Variants in PRRX1 observed in about 807,000 individuals in gnomAD.
The protein encoded by PRRX1 is paired mesoderm homeobox protein 1.
Under a neutral mutation model 24.0 loss-of-function variants are expected in PRRX1, and 8 were observed. The observed-to-expected ratio is 0.33, with a 90% confidence interval of 0.20 to 0.60. PRRX1 has a LOEUF of 0.60. Among genes scored for constraint, PRRX1 ranks in the 20% least tolerant of loss-of-function variants. The pLI is 0.82. For missense variants in PRRX1, 281 were observed against 322.4 expected, an observed-to-expected ratio of 0.87 and a Z score of 0.98; for synonymous variants, 160 against 131.7, an observed-to-expected ratio of 1.22 and a Z score of -1.47.
chr1:170,732,204 C>T (rs375085651), intron 3 of PRRX1, among the ~76,000 whole-genome samples: 5 of 152,108 alleles, frequency 3.3e-5, no homozygotes, highest in African/African-American at 1.2e-4. Context: ...TCCGAATGGC[C>T]CTATAAATTG....
intron 1 of PRRX1, among the ~76,000 whole-genome samples, chr1:170,690,983 C>T (rs1189100883): frequency 6.6e-6 from 1 of 151,970 alleles, no homozygotes; most frequent in Non-Finnish European, 1.5e-5. Flanking sequence ...GTGGTTTTAT[C>T]TAGACAGACA....
rs1215045317 is a variant in PRRX1 at position 170,664,257 on chromosome 1, G to A, written c.39G>A (p.Pro13=). ...SSYGHVLERQ[P]ALGGRLDSPG... ...ACGGGCACGTTCTGGAGCGGCAACC[G>A]GCGCTGGGCGGCCGCTTGGACAGCC... is the stretch of plus-strand genomic sequence containing the variant. Residue 13 remains proline (P), a synonymous_variant, in exon 1 of 4, where the codon CCG becomes CCA. Coordinates refer to ENST00000239461, the MANE Select transcript of PRRX1 (RefSeq NM_022716.4). 3 of 1,612,518 alleles carry A rather than the reference G, an allele frequency of 1.9e-6. No homozygotes were observed. Among genetic ancestry groups the A allele is most frequent in the Non-Finnish European group, 2.5e-6 (3 of 1,179,536 alleles).
chr1:170,693,094 C>G (rs1380522251), intron 1 of PRRX1, among the ~76,000 whole-genome samples: 1 of 151,998 alleles, frequency 6.6e-6, no homozygotes, highest in African/African-American at 2.4e-5. Context: ...CCAAGCAATT[C>G]TGGGAGACTG....
intron 1 of PRRX1, among the ~76,000 whole-genome samples, chr1:170,679,748 G>GCACTTATTC (rs1249475162): frequency 5.9e-5 from 9 of 151,398 alleles, no homozygotes; most frequent in African/African-American, 2.2e-4. Context: ...GTGGTTGTTA[G>GCACTTATTC]CACTTATTCT....
intron 1 of PRRX1, among the ~76,000 whole-genome samples, chr1:170,705,927 CACACACAT>C (rs1351555638): frequency 4.2e-4 from 45 of 107,766 alleles, no homozygotes; most frequent in Admixed American, 7.9e-4. Context: ...GACACACACA[CACACACAT>C]ACACACACAC....
chr1:170,698,681 A>G (rs936408228), intron 1 of PRRX1, among the ~76,000 whole-genome samples: 9 of 152,190 alleles, frequency 5.9e-5, no homozygotes, highest in Non-Finnish European at 1.2e-4. Context: ...TTCAGAGCAG[A>G]ATTGGCGTAA....
At chr1:170,696,086 A>C (rs1334801009) in intron 1 of PRRX1, among the ~76,000 whole-genome samples, 1 of 152,198 alleles carries the variant, frequency 6.6e-6, no homozygotes, top group Non-Finnish European at 1.5e-5. Flanking sequence ...AGGGATCAGC[A>C]TGTGCCTCAC....
intron 1 of PRRX1, among the ~76,000 whole-genome samples, chr1:170,686,541 T>C (rs908826066): frequency 6.6e-6 from 1 of 152,194 alleles, no homozygotes; most frequent in African/African-American, 2.4e-5. Context: ...ATTCAAATTC[T>C]AGCCTTAGGG....
intron 2 of PRRX1, among the ~76,000 whole-genome samples, chr1:170,723,514 A>G (rs763248158): frequency 4.7e-4 from 71 of 151,308 alleles, no homozygotes; most frequent in Non-Finnish European, 8.5e-4. Context: ...CAGGTGCTCC[A>G]TAAAGATTTC....
intron 1 of PRRX1, among the ~76,000 whole-genome samples, chr1:170,713,177 T>G (rs1305962581): frequency 6.6e-6 from 1 of 152,222 alleles, no homozygotes; most frequent in East Asian, 1.9e-4. Flanking sequence ...TTACTGAACA[T>G]TGATAAGAGC....
chr1:170,695,027 T>C (rs1654120340), intron 1 of PRRX1, among the ~76,000 whole-genome samples: 1 of 152,148 alleles, frequency 6.6e-6, no homozygotes, highest in South Asian at 2.1e-4. Context: ...ACCTTACTTG[T>C]AGTTGCAAAG....
intron 1 of PRRX1, chr1:170,669,425 C>CAAAAAAAAAAAAAAAAAAACA (rs1653064518): frequency 4.5e-5 from 1 of 22,298 alleles, no homozygotes; most frequent in African/African-American, 2.7e-4. Flanking sequence ...CTCCCCACTG[C>CAAAAAAAAAAAAAAAAAAACA]AAAAAAAAAA....
At position 170,736,403 on chromosome 1, in the gene PRRX1, C is replaced by T; in HGVS notation, c.*217C>T. 1 of 615,098 alleles carries T rather than the reference C, an allele frequency of 1.6e-6. No homozygotes were observed. The highest frequency in any genetic ancestry group is 2.8e-6 in the Non-Finnish European group (1 of 355,376). The allele number at this position is 615,098 out of a possible 1,614,324, so 38.1% of individuals were successfully genotyped here. A position where few individuals can be genotyped will look rare whatever the true frequency, so the allele number is the denominator to read the frequency against. Reference sequence around the variant, plus strand: ...CCTCCTCCCTCTGGGATACCACCACCACTTGTTTCTGTGTGTGTTTATTTT... The same window carrying T: ...CCTCCTCCCTCTGGGATACCACCACTACTTGTTTCTGTGTGTGTTTATTTT... On this transcript the variant is annotated 3_prime_UTR_variant, in exon 4 of 4. Transcript: ENST00000239461.
At chr1:170,734,358 A>C (rs1655538825) in intron 3 of PRRX1, among the ~76,000 whole-genome samples, 1 of 152,026 alleles carries the variant, frequency 6.6e-6, no homozygotes, top group African/African-American at 2.4e-5. Flanking sequence ...AACACATGGT[A>C]CTAGATATGG....
chr1:170,714,147 C>CTGAATT (rs1296515744), intron 1 of PRRX1, among the ~76,000 whole-genome samples: 3 of 152,320 alleles, frequency 2.0e-5, no homozygotes, highest in African/African-American at 7.2e-5. Context: ...TCAGTTAATG[C>CTGAATT]TAAGTGTAGC....
At chr1:170,726,477 T>G in intron 3 of PRRX1, 76 bp downstream of exon 3, 1 of 1,497,796 alleles carries the variant, frequency 6.7e-7, no homozygotes, top group Non-Finnish European at 9.3e-7. Context: ...AAGCTGCTTG[T>G]GCAGCTCACC....
In PRRX1 at chr1:170,736,506, G is replaced by T; in HGVS notation, c.*320G>T. The T allele has an allele frequency of 5.6e-6, 2 of 359,640 alleles. No homozygotes were observed. The highest frequency in any genetic ancestry group is 1.1e-5 in the Non-Finnish European group (2 of 190,322). The allele number at this position is 359,640 out of a possible 1,614,324, so 22.3% of individuals were successfully genotyped here. On this transcript the variant is annotated 3_prime_UTR_variant, in exon 4 of 4. Coordinates refer to ENST00000239461, the MANE Select transcript of PRRX1 (RefSeq NM_022716.4). ...GTTCAGCCCACCCACCCCCATGATT[G>T]TATGAAGTTTTAAAAAAAACTACAG...
At chr1:170,723,486 A>T (rs2101920312) in intron 2 of PRRX1, among the ~76,000 whole-genome samples, 1 of 152,346 alleles carries the variant, frequency 6.6e-6, no homozygotes, top group Non-Finnish European at 1.5e-5. Context: ...AGCATTTAGT[A>T]CTGGGCCTGG....
chr1:170,679,339 C>T (rs1332985696), intron 1 of PRRX1, among the ~76,000 whole-genome samples: 2 of 152,214 alleles, frequency 1.3e-5, no homozygotes, highest in African/African-American at 4.8e-5. Context: ...CCAAGAAAAA[C>T]AATGTGAGGC....
Sources: gnomAD v4.1 joint callset for allele counts (sites outside exome capture counted in the v4.1 genomes callset) on GRCh38, gnomAD v4.1.1 for gene constraint, MANE v1.5 for transcripts, NCBI Gene and HGNC (gene_info 2026-07-23, HGNC 2026-07-21) for gene names.